Variants in BAZ2A observed in about 807,000 individuals in gnomAD.
BAZ2A encodes bromodomain adjacent to zinc finger domain protein 2A.
BAZ2A carries 34 observed loss-of-function variants against 199.9 expected under a neutral mutation model. The ratio of observed to expected loss-of-function variants is 0.17; its 90% CI spans 0.13 to 0.23. The LOEUF (loss-of-function observed/expected upper bound fraction) is 0.23, where lower values mean the gene tolerates loss of function less well. Ranked by LOEUF, BAZ2A falls within the 10% of genes least tolerant of loss-of-function variation. The pLI is 1.00. For synonymous variants in BAZ2A, 857 were observed against 883.9 expected (o/e 0.97, Z 0.54); for missense variants, 2,002 against 2,391.1 (o/e 0.84, Z 3.39).
chr12:56,607,485 C>T (rs761775695), intron 10 of BAZ2A, among the ~76,000 whole-genome samples: 1 of 152,146 alleles, frequency 6.6e-6, no homozygotes, highest in Non-Finnish European at 1.5e-5. Context: ...GATTCTCCTG[C>T]CTCAGCCACC....
At chr12:56,604,393 AC>A in intron 15 of BAZ2A, 102 bp from the exon 16 acceptor site, 1 of 1,378,290 alleles carries the variant, frequency 7.3e-7, no homozygotes, top group Non-Finnish European at 1.0e-6. Flanking sequence ...CCAGCCTAGA[AC>A]CCAGATTGGG....
Position 56,610,218 on chromosome 12 carries a change from A to C in BAZ2A, c.1780-3T>G. On this transcript the variant is annotated splice_polypyrimidine_tract_variant and splice_region_variant and intron_variant, in intron 8 of 28. Transcript: ENST00000549884. ...TGTACCACGTTGCGGCTCAGGTACT[A>C]AGAGGAAGAAGTAAAGTAACATTAA... The C allele has an allele frequency of 6.2e-7, 1 of 1,613,744 alleles. No individual in the cohort carries two copies. Among genetic ancestry groups the C allele is most frequent in the Non-Finnish European group, 8.5e-7 (1 of 1,179,724 alleles).
intron 13 of BAZ2A, 84 bp from the exon 14 acceptor site, chr12:56,605,411 A>C: frequency 7.4e-7 from 1 of 1,353,938 alleles, no homozygotes; most frequent in African/African-American, 1.5e-5. Context: ...TTCTTCCTTT[A>C]ATTTTTATGT....
At chr12:56,600,147 G>A in intron 24 of BAZ2A, 51 bp from the exon 25 acceptor site, 2 of 1,612,446 alleles carry the variant, frequency 1.2e-6, no homozygotes, top group East Asian at 2.2e-5. Context: ...CCACTAAAGA[G>A]GGAACTTATC....
chr12:56,628,164 C>G (rs1592626834), intron 1 of BAZ2A, among the ~76,000 whole-genome samples: 1 of 10,058 alleles, frequency 9.9e-5, no homozygotes, highest in South Asian at 2.4e-3. Flanking sequence ...GCGACAAAAG[C>G]AAAACTCCGT....
At position 56,609,659 on chromosome 12, in the gene BAZ2A, C is replaced by T. The variant is rs952278682; in HGVS notation, c.2092+77G>A. 1.1e-5 allele frequency: 15 copies of T among 1,415,174 alleles called. No homozygotes were observed. In the African/African-American group the frequency reaches 2.0e-4, roughly 19 times the overall value. The allele number at this position is 1,415,174 out of a possible 1,614,324, so 87.7% of individuals were successfully genotyped here. A position where few individuals can be genotyped will look rare whatever the true frequency, so the allele number is the denominator to read the frequency against. On this transcript the variant is annotated intron_variant, in intron 10 of 28. Coordinates refer to ENST00000549884, the MANE Select transcript of BAZ2A (RefSeq NM_001300905.2). The stretch of plus-strand genomic sequence containing the variant: ...ATGTTAGTTACACTCCTGGGAAATC[C>T]AGGTATTAGCAATTCATCAACATTT...
At chr12:56,628,351 G>T (rs955556062) in intron 1 of BAZ2A, among the ~76,000 whole-genome samples, 5 of 151,612 alleles carry the variant, frequency 3.3e-5, no homozygotes, top group Non-Finnish European at 7.4e-5. Context: ...AAATATCCTG[G>T]GATTATCAAG....
At chr12:56,636,455 A>G, upstream of BAZ2A, 7 of 1,142,050 alleles carry the variant, frequency 6.1e-6, no homozygotes, top group Non-Finnish European at 8.1e-6. Context: ...AGGGCAGACC[A>G]GGAGAAATAT....
chr12:56,620,473 C>T (rs1358861987), intron 1 of BAZ2A, among the ~76,000 whole-genome samples: 8 of 152,006 alleles, frequency 5.3e-5, no homozygotes, highest in South Asian at 2.1e-4. Flanking sequence ...TGCATTCCAG[C>T]CTGGGTGACA....
In BAZ2A at chr12:56,617,434, T is replaced by C; in HGVS notation, c.97A>G (p.Thr33Ala). 1 of 1,605,474 alleles carries C rather than the reference T, an allele frequency of 6.2e-7. No individual in the cohort carries two copies. Among genetic ancestry groups the C allele is most frequent in the Non-Finnish European group, 8.5e-7 (1 of 1,176,220 alleles). ...GGGAAGTTCATGGGAGACCCGTTAGTGTAGAGGCCCTCCCCTGAGGAAGGA... is the reference window on the plus strand; with the variant it reads ...GGGAAGTTCATGGGAGACCCGTTAGCGTAGAGGCCCTCCCCTGAGGAAGGA... ...PSPSSGEGLYTNGSPMNFPQQ... is the reference protein window; with the variant it reads ...PSPSSGEGLYANGSPMNFPQQ... The change falls in exon 2 of 29, where the codon ACT (threonine) becomes GCT (alanine). Residue 33 changes from threonine (T) to alanine (A), a missense_variant. By Grantham distance (58) the Thr-to-Ala change is moderately conservative. Around this residue, in one of 6 missense-constraint regions of BAZ2A, gnomAD observed 641 missense variants for 694.5 expected, o/e 0.92. Transcript: ENST00000549884.
In BAZ2A at chr12:56,605,962, G is replaced by A; in HGVS notation, c.2361C>T (p.Thr787=). 1.9e-6 allele frequency: 3 copies of A among 1,554,930 alleles called. No homozygotes were observed. The highest frequency in any genetic ancestry group is 2.6e-6 in the Non-Finnish European group (3 of 1,148,766). The part of the protein sequence containing the change: ...KVKMKEKEEV[T]KAKPACKADK... The stretch of plus-strand genomic sequence containing the variant: ...CTGCTTTACAGGCTGGCTTGGCTTT[G>A]GTCACCTCCTCCTTTTCCTTCATTT... The change falls in exon 13 of 29, where the codon ACC becomes ACT. Residue 787 remains threonine, a synonymous_variant. Transcript: ENST00000549884.
chr12:56,601,493 G>T, intron 20 of BAZ2A, 53 bp downstream of exon 20: 1 of 1,595,916 alleles, frequency 6.3e-7, no homozygotes, highest in Non-Finnish European at 8.5e-7. Context: ...CCCAGGCAAT[G>T]GTGCCTGTGG....
intron 13 of BAZ2A, 156 bp downstream of exon 13, chr12:56,605,674 G>T: frequency 1.2e-6 from 1 of 844,036 alleles, no homozygotes; most frequent in Non-Finnish European, 1.8e-6. Flanking sequence ...TGCCCGCCTC[G>T]GCCTCCCAAA....
At chr12:56,625,154 CTTTTTT>C (rs1002458672) in intron 1 of BAZ2A, among the ~76,000 whole-genome samples, 1 of 108,112 alleles carries the variant, frequency 9.2e-6, no homozygotes, top group Admixed American at 9.6e-5. Context: ...CTTAGAATTT[CTTTTTT>C]TTTTTTTTTT....
rs1046622878 is a variant in BAZ2A, at chr12:56,630,094, C to A, written c.-3+31G>T. ...TCGGATGAAAGCGGGGCTCCCTCCC[C>A]CTCAGGCCCCTGGCCACAGACCCCA... On this transcript the variant is annotated intron_variant, in intron 1 of 28. Coordinates refer to ENST00000549884, the MANE Select transcript of BAZ2A (RefSeq NM_001300905.2). 4 of 966,858 alleles carry A rather than the reference C, an allele frequency of 4.1e-6. No homozygotes were observed. The African/African-American group carries it at 7.0e-5, about 17-fold the overall frequency. 59.9% of individuals were successfully genotyped at this position (966,858 alleles called of 1,614,324 possible).
chr12:56,629,149 G>A (rs1951206622), intron 1 of BAZ2A, among the ~76,000 whole-genome samples: 1 of 152,072 alleles, frequency 6.6e-6, no homozygotes, highest in Non-Finnish European at 1.5e-5. Context: ...AAAACAACAA[G>A]ACACGCAGCA....
upstream of BAZ2A, among the ~76,000 whole-genome samples, chr12:56,633,663 C>T (rs1377820272): frequency 6.6e-6 from 1 of 151,976 alleles, no homozygotes; most frequent in African/African-American, 2.4e-5. Flanking sequence ...CCTCTACAAT[C>T]TGGGAAGGCT....
At chr12:56,602,240 AAAGT>A (rs1262756029) in intron 19 of BAZ2A, 48 bp from the exon 20 acceptor site, 1 of 1,459,124 alleles carries the variant, frequency 6.9e-7, no homozygotes, top group African/African-American at 1.4e-5. Context: ...ATACAAGGGA[AAAGT>A]AAGAGGGTAT....
intron 1 of BAZ2A, among the ~76,000 whole-genome samples, chr12:56,626,679 A>C (rs1293275739): frequency 6.6e-6 from 1 of 152,232 alleles, no homozygotes; most frequent in Non-Finnish European, 1.5e-5. Flanking sequence ...CTCCCAATTC[A>C]ATCATGTATC....
Sources: allele counts gnomAD v4.1 joint callset (sites outside exome capture counted in the v4.1 genomes callset), GRCh38; gene constraint gnomAD v4.1.1; regional missense constraint gnomAD v4.1.1; transcripts MANE v1.5; gene names NCBI Gene and HGNC (gene_info 2026-07-23, HGNC 2026-07-21).